Variants in NSD2 observed in about 807,000 individuals in gnomAD.
NSD2 encodes the protein histone-lysine N-methyltransferase NSD2.
Under a neutral mutation model 139.0 loss-of-function variants are expected in NSD2, and 12 were observed. That is an observed-to-expected ratio of 0.09 (90% CI 0.06 to 0.14). The LOEUF (loss-of-function observed/expected upper bound fraction) is 0.14. NSD2 is among the 10% of genes least tolerant of loss of function. The probability of loss-of-function intolerance (pLI) is 1.00; values close to 1 mark genes in which losing one functional copy is unlikely to be tolerated. For synonymous variants in NSD2, 669 were observed against 648.7 expected (o/e 1.03, Z -0.48); for missense variants, 1,155 against 1,745.0 (o/e 0.66, Z 6.02).
intron 1 of NSD2, among the ~76,000 whole-genome samples, chr4:1,880,128 G>A (rs369198150): frequency 6.6e-6 from 1 of 152,118 alleles, no homozygotes; most frequent in South Asian, 2.1e-4. Context: ...AGAAATAGGA[G>A]GCTTCTGTGT....
At chr4:1,943,742 G>A (rs1023915881) in intron 9 of NSD2, 5 of 1,056,734 alleles carry the variant, frequency 4.7e-6, no homozygotes, top group Admixed American at 5.4e-5. Context: ...AAAACCCCAC[G>A]AAATTTAAAG....
chr4:1,939,596 CA>C (rs1255117204), intron 8 of NSD2, 57 bp from the exon 9 acceptor site: 2 of 1,532,366 alleles, frequency 1.3e-6, no homozygotes, highest in Non-Finnish European at 1.8e-6. Flanking sequence ...AATTTTTAAG[CA>C]GTAAAAAGAT....
In NSD2 at chr4:1,978,891, A is replaced by G. The variant is rs754212766; in HGVS notation, c.4080A>G (p.Arg1360=). The G allele has an allele frequency of 1.3e-6, 2 of 1,563,154 alleles. No homozygotes were observed. The highest frequency in any genetic ancestry group is 3.7e-5 in the Admixed American group (2 of 53,832). The change falls in exon 22 of 22, where the codon AGA becomes AGG. Residue 1360 remains arginine (R), a synonymous_variant. Transcript: ENST00000508803. The stretch of plus-strand genomic sequence containing the variant: ...GGCGGCGGCGGAGGGGCTGGCGGAG[A>G]GTCACAGAGGGCAAATAGCGCCAGG... The part of the protein sequence containing the change: ...GKRRRRRGWR[R]VTEGK
chr4:1,939,080 C>G (rs1049325058), intron 8 of NSD2, among the ~76,000 whole-genome samples: 1 of 152,082 alleles, frequency 6.6e-6, no homozygotes, highest in Non-Finnish European at 1.5e-5. Context: ...AGAAGTCATA[C>G]CTTCTCCAAC....
At position 1,945,815 on chromosome 4, in the gene NSD2, C is replaced by G. The variant is rs529995829; in HGVS notation, c.1882-5257C>G. 96 of 1,064,042 alleles carry G rather than the reference C, an allele frequency of 9.0e-5. 1 individual carries two copies. In the South Asian group the frequency reaches 3.6e-3, roughly 40 times the overall value. The allele number at this position is 1,064,042 out of a possible 1,614,324, so 65.9% of individuals were successfully genotyped here. On this transcript the variant is annotated intron_variant, in intron 9 of 21. Coordinates refer to ENST00000508803, the MANE Select transcript of NSD2 (RefSeq NM_001042424.3). Reference sequence around the variant, plus strand: ...GGGCTGTAAAGCCACGGATTCCCCTCGCTGGAGAGGCTCCTGTCTGATAGC... The same window carrying G: ...GGGCTGTAAAGCCACGGATTCCCCTGGCTGGAGAGGCTCCTGTCTGATAGC...
chr4:1,947,338 C>T, intron 9 of NSD2: 1 of 1,062,110 alleles, frequency 9.4e-7, no homozygotes, highest in Non-Finnish European at 1.1e-6. Context: ...TTGCTGCCAC[C>T]TGCTTGGGGC....
Position 1,942,619 on chromosome 4 carries a change from A to G in NSD2, c.1881+2841A>G. 2 of 1,264,320 alleles carry G rather than the reference A, an allele frequency of 1.6e-6. No individual in the cohort carries two copies. Among genetic ancestry groups the G allele is most frequent in the South Asian group, 4.3e-5 (2 of 46,196 alleles). 78.3% of individuals were successfully genotyped at this position (1,264,320 alleles called of 1,614,324 possible). ...CCGTCACATTCATCTCATAATAGAA[A>G]CACGTTCATATTCCAGTGGTCAATG... On this transcript the variant is annotated intron_variant, in intron 9 of 21. Coordinates refer to ENST00000508803, the MANE Select transcript of NSD2 (RefSeq NM_001042424.3). The surrounding 1 kb of genome is among the most constrained non-coding windows in gnomAD (Gnocchi z 4.0).
At chr4:1,966,058 GA>G (rs893912854) in intron 18 of NSD2, among the ~76,000 whole-genome samples, 4 of 140,312 alleles carry the variant, frequency 2.9e-5, no homozygotes, top group Non-Finnish European at 4.5e-5. Flanking sequence ...GCTAAAAGAA[GA>G]AAAAAAAATG....
At chr4:1,922,290 C>A (rs931494397) in intron 5 of NSD2, among the ~76,000 whole-genome samples, 3 of 152,028 alleles carry the variant, frequency 2.0e-5, no homozygotes, top group Non-Finnish European at 4.4e-5. Context: ...CATACAAGTG[C>A]AGCATCAAAG....
At chr4:1,879,865 C>G (rs1366522911) in intron 1 of NSD2, among the ~76,000 whole-genome samples, 1 of 148,290 alleles carries the variant, frequency 6.7e-6, no homozygotes, top group African/African-American at 2.6e-5. Context: ...TGTGTTTTCT[C>G]CCAAGTTTGT....
Position 1,955,641 on chromosome 4 carries a change from G to T in NSD2, c.2519-52G>T. 6.4e-7 allele frequency: 1 copy of T among 1,556,744 alleles called. No homozygotes were observed. Among genetic ancestry groups the T allele is most frequent in the Non-Finnish European group, 8.7e-7 (1 of 1,150,164 alleles). ...GTAGACTGTGAAGCACTGAATCTGG[G>T]CTGAGCCATAGCAGACAGGCTAAGC... On this transcript the variant is annotated intron_variant, in intron 13 of 21. Coordinates refer to ENST00000508803, the MANE Select transcript of NSD2 (RefSeq NM_001042424.3). The surrounding 1 kb of genome is among the most constrained non-coding windows in gnomAD (Gnocchi z 4.7).
intron 1 of NSD2, among the ~76,000 whole-genome samples, chr4:1,880,011 G>A (rs1430393982): frequency 3.3e-5 from 5 of 152,234 alleles, no homozygotes; most frequent in South Asian, 2.1e-4. Flanking sequence ...AATGTGGAAA[G>A]CACTTAGTTA....
At chr4:1,938,384 TTTCCTTTTTTTC>T in intron 7 of NSD2, 55 bp from the exon 8 acceptor site, 1 of 1,259,590 alleles carries the variant, frequency 7.9e-7, no homozygotes, top group Non-Finnish European at 1.1e-6. Context: ...TTTCTTTTTT[TTTCCTTTTTTTC>T]TTTTCTTTTT....
At position 1,877,069 on chromosome 4, in the gene NSD2, A is replaced by G. The variant is rs1479362459; in HGVS notation, c.-30+5527A>G. Among the ~76,000 whole-genome samples the G allele has an allele frequency of 2.0e-5, 3 of 151,898 alleles. No homozygotes were observed. In the South Asian group the frequency reaches 6.2e-4, roughly 32 times the overall value. The stretch of plus-strand genomic sequence containing the variant: ...GGAGACTTCCCTGAGCCTGGGAGGC[A>G]GAGGTTGAAATGAGCCGAGATCATG... On this transcript the variant is annotated intron_variant, in intron 1 of 21. Coordinates refer to ENST00000508803, the MANE Select transcript of NSD2 (RefSeq NM_001042424.3).
intron 5 of NSD2, among the ~76,000 whole-genome samples, chr4:1,924,411 C>T (rs769026668): frequency 6.6e-6 from 1 of 152,042 alleles, no homozygotes; most frequent in Non-Finnish European, 1.5e-5. Context: ...GGCTGTGTCT[C>T]TACAACCTGT....
At chr4:1,903,859 T>C (rs113265312) in intron 2 of NSD2, among the ~76,000 whole-genome samples, 3,862 of 151,784 alleles carry the variant, frequency 0.025, 168 homozygotes, top group African/African-American at 0.089. Context: ...CTCAGCTTCC[T>C]GAGTAGCTGG....
chr4:1,911,587 CAAAAA>C (rs372660600), intron 3 of NSD2, among the ~76,000 whole-genome samples: 2 of 42,076 alleles, frequency 4.8e-5, no homozygotes, highest in African/African-American at 8.0e-5. Flanking sequence ...GACGCCATCT[CAAAAA>C]AAAAAAAAAA....
chr4:1,944,957 A>G (rs1468475942), intron 9 of NSD2: 2 of 1,064,086 alleles, frequency 1.9e-6, no homozygotes, highest in Non-Finnish European at 2.3e-6. Context: ...CTTAAAACCA[A>G]TAGGAAACTT....
At chr4:1,879,223 T>C (rs1048652965) in intron 1 of NSD2, among the ~76,000 whole-genome samples, 9 of 152,140 alleles carry the variant, frequency 5.9e-5, no homozygotes, top group Non-Finnish European at 1.3e-4. Context: ...TATTTTATTT[T>C]ATTTTATTTT....
Sources: gnomAD v4.1 joint callset for allele counts (sites outside exome capture counted in the v4.1 genomes callset) on GRCh38, gnomAD v4.1.1 for gene constraint, Gnocchi (gnomAD v3.1) non-coding constraint, MANE v1.5 for transcripts, NCBI Gene and HGNC (gene_info 2026-07-23, HGNC 2026-07-21) for gene names.